Variants in ATP8B1 observed in about 807,000 individuals in gnomAD.
ATP8B1 encodes ATPase phospholipid transporting 8B1.
Under a neutral mutation model 149.9 loss-of-function variants are expected in ATP8B1, and 80 were observed. The observed-to-expected ratio is 0.53, with a 90% CI of 0.45 to 0.64. The LOEUF is 0.64. ATP8B1 is among the 30% of genes least tolerant of loss of function. The pLI is 0.00. For synonymous variants in ATP8B1, 536 were observed against 562.8 expected (o/e 0.95, Z 0.67); for missense variants, 1,247 against 1,552.6 (o/e 0.80, Z 3.31).
At chr18:57,701,840 T>C (rs1191717354) in intron 4 of ATP8B1, among the ~76,000 whole-genome samples, 1 of 151,838 alleles carries the variant, frequency 6.6e-6, no homozygotes, top group Non-Finnish European at 1.5e-5. Flanking sequence ...GGATTACAGG[T>C]GTGTGCCACC....
At chr18:57,673,701 T>C (rs1472325278) in intron 16 of ATP8B1, among the ~76,000 whole-genome samples, 1 of 151,740 alleles carries the variant, frequency 6.6e-6, no homozygotes, top group African/African-American at 2.4e-5. Context: ...TATAGAGATA[T>C]GTAAATGAAA....
At chr18:57,732,161 A>ATGTATATATATGTATATATGTATATATG (rs2079778674) in intron 1 of ATP8B1, 1 of 27,436 alleles carries the variant, frequency 3.6e-5, no homozygotes, top group African/African-American at 1.3e-4. Flanking sequence ...ATGTATATAT[A>ATGTATATATATGTATATATGTATATATG]TGTATATATG....
intron 2 of ATP8B1, chr18:57,708,419 T>C (rs1913525706): frequency 6.6e-6 from 1 of 152,078 alleles, no homozygotes; most frequent in South Asian, 2.1e-4. Flanking sequence ...TGTAATCACA[T>C]AGGCAATCAG....
At chr18:57,705,002 T>G (rs1047022278) in intron 3 of ATP8B1, among the ~76,000 whole-genome samples, 2 of 152,160 alleles carry the variant, frequency 1.3e-5, no homozygotes, top group African/African-American at 4.8e-5. Context: ...GAGAATCGCT[T>G]GAACCAGGGA....
At position 57,646,453 on chromosome 18, in the gene ATP8B1, T is replaced by C. The variant is rs1909184209; in HGVS notation, c.*2035A>G. On this transcript the variant is annotated 3_prime_UTR_variant, in exon 28 of 28. Coordinates refer to ENST00000648908, the MANE Select transcript of ATP8B1 (RefSeq NM_001374385.1). ...TAAATACTTTAGAAGATCATACTTTTCAAAGATTTTACTAAATCATTTTTT... is the reference window on the plus strand; with the variant it reads ...TAAATACTTTAGAAGATCATACTTTCCAAAGATTTTACTAAATCATTTTTT... 6.6e-6 allele frequency: 1 copy of C among 151,046 alleles called. No individual in the cohort carries two copies. The highest frequency in any genetic ancestry group is 2.1e-4 in the South Asian group (1 of 4,776). The allele number at this position is 151,046 out of a possible 1,614,324, so 9.4% of individuals were successfully genotyped here. A position where few individuals can be genotyped will look rare whatever the true frequency, so the allele number is the denominator to read the frequency against.
intron 22 of ATP8B1, among the ~76,000 whole-genome samples, chr18:57,658,679 T>C (rs965487762): frequency 1.3e-4 from 20 of 151,086 alleles, no homozygotes; most frequent in Admixed American, 1.2e-3. Context: ...TCTTTTTTGT[T>C]GTTGGAGAAA....
intron 1 of ATP8B1, among the ~76,000 whole-genome samples, chr18:57,764,419 C>CTCTT (rs34664757): frequency 0.39 from 57,121 of 145,314 alleles, 11,183 homozygotes; most frequent in Non-Finnish European, 0.41. Context: ...CTCTCTTTCT[C>CTCTT]TCTTTCTTTC....
chr18:57,778,175 A>G lies in ATP8B1; in HGVS notation c.-26+24823T>C, dbSNP rs549870056. On this transcript the variant is annotated intron_variant, in intron 1 of 27. Coordinates refer to ENST00000648908, the MANE Select transcript of ATP8B1 (RefSeq NM_001374385.1). The stretch of plus-strand genomic sequence containing the variant: ...GTTGCTGCCTAACAAAATACCCCCA[A>G]ATTTAGCAGTTTGAACCACAAGTAT... Among the ~76,000 whole-genome samples, 10 of 151,648 alleles carry G rather than the reference A, an allele frequency of 6.6e-5. 1 individual carries two copies. The South Asian group carries it at 1.9e-3, about 29-fold the overall frequency.
In ATP8B1 at chr18:57,651,729, T is replaced by G. The variant is rs35665103; in HGVS notation, c.3400+305A>C. Reference sequence around the variant, plus strand: ...CTCACTGTAGCCTCAACGTCCCAGGTCAAGCAATCCTCCCACTTCAGCCTC... The same window carrying G: ...CTCACTGTAGCCTCAACGTCCCAGGGCAAGCAATCCTCCCACTTCAGCCTC... On this transcript the variant is annotated intron_variant, in intron 26 of 27. Transcript: ENST00000648908. Among the ~76,000 whole-genome samples, 31,110 of 151,756 alleles carry G rather than the reference T, an allele frequency of 0.2. 3,871 individuals carry two copies. Among genetic ancestry groups the G allele is most frequent in the Middle Eastern group, 0.28 (82 of 292 alleles).
chr18:57,783,954 T>C (rs1384919043), intron 1 of ATP8B1, among the ~76,000 whole-genome samples: 1 of 152,230 alleles, frequency 6.6e-6, no homozygotes, highest in African/African-American at 2.4e-5. Flanking sequence ...ACAGTATTTC[T>C]GGGCTTCCCC....
intron 1 of ATP8B1, among the ~76,000 whole-genome samples, chr18:57,793,400 T>C (rs1420112250): frequency 1.3e-5 from 2 of 151,974 alleles, no homozygotes; most frequent in East Asian, 3.9e-4. Context: ...GCTTCCACCC[T>C]CACTTGCCTG....
At chr18:57,664,523 G>GAAAAAAAAAA (rs1910739684) in intron 20 of ATP8B1, among the ~76,000 whole-genome samples, 1 of 138,754 alleles carries the variant, frequency 7.2e-6, no homozygotes. Flanking sequence ...AAAAAAAAAG[G>GAAAAAAAAAA]AAAGGCAATC....
In ATP8B1 at chr18:57,671,518, G is replaced by A. The variant is rs752045131; in HGVS notation, c.1882C>T (p.Arg628Trp). Residue 628 changes from arginine (R) to tryptophan (W), a missense_variant, in exon 17 of 28, where the codon CGG becomes TGG. Around this residue, in one of 3 missense-constraint regions of ATP8B1, gnomAD observed 853 missense variants for 1,035.7 expected, o/e 0.82. Coordinates refer to ENST00000648908, the MANE Select transcript of ATP8B1 (RefSeq NM_001374385.1). ...TTAGTAGGATTCATTCGATGTAACCGTTCATAAATAACAGTGTCAGCACCT... is the reference window on the plus strand; with the variant it reads ...TTAGTAGGATTCATTCGATGTAACCATTCATAAATAACAGTGTCAGCACCT... ...CKGADTVIYE[R>W]LHRMNPTKQE... The A allele has an allele frequency of 1.3e-5, 21 of 1,613,942 alleles. No individual in the cohort carries two copies. Among genetic ancestry groups the A allele is most frequent in the East Asian group, 1.1e-4 (5 of 44,894 alleles).
At chr18:57,777,019 C>T (rs1454384600) in intron 1 of ATP8B1, among the ~76,000 whole-genome samples, 1 of 151,520 alleles carries the variant, frequency 6.6e-6, no homozygotes. Context: ...CACTGTCGCC[C>T]AGGCTGGAGT....
chr18:57,797,213 G>A lies in ATP8B1; in HGVS notation c.-26+5785C>T, dbSNP rs547966832. 2.6e-4 allele frequency among the ~76,000 whole-genome samples: 40 copies of A among 152,154 alleles called. 1 individual carries two copies. The South Asian group carries it at 8.1e-3, about 31-fold the overall frequency. On this transcript the variant is annotated intron_variant, in intron 1 of 27. Coordinates refer to ENST00000648908, the MANE Select transcript of ATP8B1 (RefSeq NM_001374385.1). ...CTAGTGCAACTCAATTTCAATAAAG[G>A]TTAGAAAACTGTTTTCAAAAGCCAC...
At chr18:57,687,799 T>C (rs914156679) in intron 13 of ATP8B1, among the ~76,000 whole-genome samples, 1 of 136,088 alleles carries the variant, frequency 7.3e-6, no homozygotes, top group South Asian at 2.3e-4. Context: ...TTTTTTTTTT[T>C]AGACAGAGTC....
rs1364008061 is a variant in ATP8B1, at chr18:57,656,765, AGGGAGAGAATGGG to A, written c.2708-1361_2708-1349del. 4.1e-5 allele frequency among the ~76,000 whole-genome samples: 5 copies of A among 122,494 alleles called. No homozygotes were observed. In the South Asian group the frequency reaches 1.1e-3, roughly 28 times the overall value. The allele number at this position is 122,494 out of a possible 152,430, so 80.4% of individuals were successfully genotyped here. On this transcript the variant is annotated intron_variant, in intron 22 of 27. Transcript: ENST00000648908. ...GGGGTGGGGAGGAGGGAGAGAATGG[AGGGAGAGAATGGG>A]GGGAGAGAAGAGTGGGGAGAGAAGA...
At chr18:57,798,643 G>A (rs1312175579) in intron 1 of ATP8B1, among the ~76,000 whole-genome samples, 1 of 152,066 alleles carries the variant, frequency 6.6e-6, no homozygotes, top group African/African-American at 2.4e-5. Flanking sequence ...GGAGCGTGGA[G>A]GATGAGGGAG....
chr18:57,725,251 T>TA (rs61391603), intron 2 of ATP8B1, among the ~76,000 whole-genome samples: 93,076 of 144,532 alleles, frequency 0.64, 29,751 homozygotes, highest in Non-Finnish European at 0.67. Context: ...TAAAGTATAA[T>TA]AAAAAAAAAA....
Sources: allele counts gnomAD v4.1 joint callset (sites outside exome capture counted in the v4.1 genomes callset), GRCh38; gene constraint gnomAD v4.1.1; regional missense constraint gnomAD v4.1.1; transcripts MANE v1.5; gene names NCBI Gene and HGNC (gene_info 2026-07-23, HGNC 2026-07-21).